Variants in CMAS observed in about 807,000 individuals in gnomAD.
The protein encoded by CMAS is N-acylneuraminate cytidylyltransferase.
CMAS carries 21 observed loss-of-function variants against 53.4 expected under a neutral mutation model. The ratio of observed to expected loss-of-function variants is 0.39; its 90% CI spans 0.28 to 0.57. The LOEUF is 0.57. Ranked by LOEUF, CMAS falls within the 20% of genes least tolerant of loss-of-function variation. CMAS has a pLI of 0.56. For synonymous variants in CMAS, 189 were observed against 195.2 expected, an observed-to-expected ratio of 0.97 and a Z score of 0.27; for missense variants, 384 against 534.9, an observed-to-expected ratio of 0.72 and a Z score of 2.78.
intron 1 of CMAS, among the ~76,000 whole-genome samples, chr12:22,051,797 T>C (rs1313715510): frequency 1.3e-5 from 2 of 152,218 alleles, no homozygotes; most frequent in African/African-American, 2.4e-5. Context: ...CTTCTGAAGA[T>C]TGAGTGTGAG....
chr12:22,062,347 A>G lies in CMAS; in HGVS notation c.1027A>G (p.Met343Val). 1 of 1,613,202 alleles carries G rather than the reference A, an allele frequency of 6.2e-7. No homozygotes were observed. Among genetic ancestry groups the G allele is most frequent in the Non-Finnish European group, 8.5e-7 (1 of 1,179,750 alleles). ...GTCTTCTTTAAAACTGGATTGCAAA[A>G]TGGAAGTCAGTGTATCAGACAAGCT... ...TLSSLKLDCK[M>V]EVSVSDKLAV... Residue 343 changes from methionine (M) to valine (V), a missense_variant, in exon 7 of 8, where the codon ATG becomes GTG. This residue lies in a region of CMAS where 134 missense variants were observed against 154.6 expected (regional missense o/e 0.87). Coordinates refer to ENST00000229329, the MANE Select transcript of CMAS (RefSeq NM_018686.6).
intron 7 of CMAS, among the ~76,000 whole-genome samples, chr12:22,064,825 C>T (rs1388016907): frequency 3.9e-5 from 6 of 152,094 alleles, no homozygotes; most frequent in Non-Finnish European, 7.4e-5. Context: ...AAATAACTTA[C>T]TTAGAATTCA....
chr12:22,059,924 C>G (rs1157751884), intron 4 of CMAS, among the ~76,000 whole-genome samples: 2 of 152,096 alleles, frequency 1.3e-5, no homozygotes, highest in Non-Finnish European at 2.9e-5. Context: ...AAGACCCTTT[C>G]TCTTGCTGAC....
chr12:22,058,073 C>T (rs146422026), intron 3 of CMAS, among the ~76,000 whole-genome samples: 5,922 of 151,578 alleles, frequency 0.039, 146 homozygotes, highest in Non-Finnish European at 0.056. Context: ...GTGATCCGCC[C>T]GCCTTGGCCT....
At chr12:22,059,695 A>C (rs1591794547) in intron 4 of CMAS, among the ~76,000 whole-genome samples, 1 of 152,200 alleles carries the variant, frequency 6.6e-6, no homozygotes, top group East Asian at 1.9e-4. Flanking sequence ...TGTTTAGTTA[A>C]ATTTAAGTGT....
At chr12:22,049,832 G>C (rs1950229308) in intron 1 of CMAS, among the ~76,000 whole-genome samples, 1 of 152,012 alleles carries the variant, frequency 6.6e-6, no homozygotes, top group Admixed American at 6.5e-5. Flanking sequence ...CTGAACCCGG[G>C]AGGTGGAGGT....
In CMAS at chr12:22,061,367, A is replaced by G. The variant is rs567675383; in HGVS notation, c.875A>G (p.Tyr292Cys). The change falls in exon 6 of 8, where the codon TAT becomes TGT. Residue 292 changes from tyrosine to cysteine, a missense_variant. By Grantham distance (194) the Tyr-to-Cys change is radical. Coordinates refer to ENST00000229329, the MANE Select transcript of CMAS (RefSeq NM_018686.6). Reference sequence around the variant, plus strand: ...GGATGTCTCACCAATGGCCACATTTATGTATCAGGAGACCAAAAAGAAATA... The same window carrying G: ...GGATGTCTCACCAATGGCCACATTTGTGTATCAGGAGACCAAAAAGAAATA... ...IDGCLTNGHI[Y>C]VSGDQKEIIS... The G allele has an allele frequency of 5.0e-6, 8 of 1,608,436 alleles. No individual in the cohort carries two copies. The Admixed American group carries it at 6.7e-5, about 13-fold the overall frequency.
chr12:22,063,254 A>C (rs1253139559), intron 7 of CMAS, among the ~76,000 whole-genome samples: 1 of 152,190 alleles, frequency 6.6e-6, no homozygotes. Context: ...TCAAAATAAG[A>C]AGCACAGGAA....
chr12:22,060,935 A>AAATAAACC lies in CMAS; in HGVS notation c.788+10_788+17dup, dbSNP rs751389036. ...GAGCAAAGAGTATTAAGGTAAAAAC[A>AAATAAACC]AATAAACCTTTATAACCTTTGTACT... On this transcript the variant is annotated intron_variant, in intron 5 of 7. Transcript: ENST00000229329. The AAATAAACC allele has an allele frequency of 7.5e-6, 11 of 1,464,060 alleles. No individual in the cohort carries two copies. The African/African-American group carries it at 1.4e-4, about 19-fold the overall frequency. 90.7% of individuals were successfully genotyped at this position (1,464,060 alleles called of 1,614,324 possible). A position where few individuals can be genotyped will look rare whatever the true frequency, so the allele number is the denominator to read the frequency against.
chr12:22,057,565 G>C (rs1341939569), intron 3 of CMAS, among the ~76,000 whole-genome samples: 1 of 151,884 alleles, frequency 6.6e-6, no homozygotes, highest in Non-Finnish European at 1.5e-5. Context: ...AACCACATTA[G>C]ATAAATAAAA....
At chr12:22,048,004 A>G (rs1349160845) in intron 1 of CMAS, among the ~76,000 whole-genome samples, 6 of 152,368 alleles carry the variant, frequency 3.9e-5, no homozygotes, top group African/African-American at 7.2e-5. Flanking sequence ...TAGGTTGTAT[A>G]TATCAGGAAA....
chr12:22,061,000 A>G, intron 5 of CMAS, 74 bp downstream of exon 5: 1 of 931,178 alleles, frequency 1.1e-6, no homozygotes, highest in Non-Finnish European at 1.7e-6. Flanking sequence ...GATTTCTGAT[A>G]CTTCAGACAT....
rs139112592 is a variant in CMAS at position 22,059,773 on chromosome 12, A to G, written c.694-1059A>G. ...AAGCTTTTTTCTAAGGAGGACCATG[A>G]TTAACCCATTCCTAAAGTGTGGAGA... On this transcript the variant is annotated intron_variant, in intron 4 of 7. Coordinates refer to ENST00000229329, the MANE Select transcript of CMAS (RefSeq NM_018686.6). Among the ~76,000 whole-genome samples, 177 of 152,320 alleles carry G rather than the reference A, an allele frequency of 1.2e-3. 1 individual carries two copies. Among genetic ancestry groups the G allele is most frequent in the East Asian group, 1.3e-3 (7 of 5,190 alleles).
At chr12:22,050,713 G>C (rs925556937) in intron 1 of CMAS, among the ~76,000 whole-genome samples, 5 of 151,968 alleles carry the variant, frequency 3.3e-5, no homozygotes, top group Non-Finnish European at 4.4e-5. Context: ...TGTGAAGGTG[G>C]CCATGACAAT....
At chr12:22,057,652 C>T (rs1319566210) in intron 3 of CMAS, among the ~76,000 whole-genome samples, 1 of 152,012 alleles carries the variant, frequency 6.6e-6, no homozygotes, top group South Asian at 2.1e-4. Context: ...ATGACAAATT[C>T]AGTTCTTTTA....
At chr12:22,056,640 G>C (rs1950270151) in intron 3 of CMAS, among the ~76,000 whole-genome samples, 2 of 152,140 alleles carry the variant, frequency 1.3e-5, no homozygotes, top group Non-Finnish European at 2.9e-5. Flanking sequence ...CTGCTTTCCA[G>C]CCCATTCCCA....
chr12:22,049,534 T>C (rs1480120460), intron 1 of CMAS, among the ~76,000 whole-genome samples: 1 of 152,230 alleles, frequency 6.6e-6, no homozygotes, highest in African/African-American at 2.4e-5. Context: ...ACTTCTAGAC[T>C]AGAGTGTAAA....
chr12:22,062,359 G>A lies in CMAS; in HGVS notation c.1039G>A (p.Val347Ile), dbSNP rs781243022. 20 of 1,612,406 alleles carry A rather than the reference G, an allele frequency of 1.2e-5. No individual in the cohort carries two copies. The highest frequency in any genetic ancestry group is 2.2e-5 in the South Asian group (2 of 91,034). The change falls in exon 7 of 8, where the codon GTA (valine) becomes ATA (isoleucine). Residue 347 changes from valine (V) to isoleucine (I), a missense_variant. Physicochemically the swap from Val to Ile is conservative, Grantham distance 29. This residue lies in a region of CMAS where 134 missense variants were observed against 154.6 expected (regional missense o/e 0.87). Coordinates refer to ENST00000229329, the MANE Select transcript of CMAS (RefSeq NM_018686.6). ...ACTGGATTGCAAAATGGAAGTCAGT[G>A]TATCAGACAAGCTAGCAGTTGTAGA... ...LKLDCKMEVS[V>I]SDKLAVVDEW...
chr12:22,062,245 C>T, intron 6 of CMAS, 36 bp from the exon 7 acceptor site: 1 of 1,534,420 alleles, frequency 6.5e-7, no homozygotes, highest in Non-Finnish European at 8.7e-7. Context: ...TAATTTTTCC[C>T]TTCTTCCTCC....
Sources: gnomAD v4.1 joint callset for allele counts (sites outside exome capture counted in the v4.1 genomes callset) on GRCh38, gnomAD v4.1.1 for gene constraint, gnomAD v4.1.1 regional missense constraint, MANE v1.5 for transcripts, NCBI Gene and HGNC (gene_info 2026-07-23, HGNC 2026-07-21) for gene names.